The following DCDC1 variants were observed in gnomAD, a reference collection of about 807,000 sequenced individuals.
DCDC1 encodes doublecortin domain-containing protein 1.
DCDC1 carries 200 observed loss-of-function variants against 178.3 expected under a neutral mutation model. The observed-to-expected ratio is 1.12, with a 90% CI of 1.00 to 1.26. The LOEUF is 1.26. DCDC1 is among the 50% of genes most tolerant of loss of function. The probability of loss-of-function intolerance (pLI) is 0.00; values close to 1 mark genes in which losing one functional copy is unlikely to be tolerated. For missense variants in DCDC1, 1,983 were observed against 1,749.2 expected, an observed-to-expected ratio of 1.13 and a Z score of -2.38; for synonymous variants, 690 against 604.8, an observed-to-expected ratio of 1.14 and a Z score of -2.07.
chr11:31,057,933 A>T lies in DCDC1; in HGVS notation c.2591+6536T>A, dbSNP rs1955693130. 2.0e-5 allele frequency among the ~76,000 whole-genome samples: 3 copies of T among 152,056 alleles called. No homozygotes were observed. In the South Asian group the frequency reaches 6.2e-4, roughly 32 times the overall value. On this transcript the variant is annotated intron_variant, in intron 20 of 38. Transcript: ENST00000684477. ...GCTCTTTTACCGTAATGACTTGTTT[A>T]ATTTCTCTCTTCCCTGTTAGATTCT... is the stretch of plus-strand genomic sequence containing the variant.
intron 36 of DCDC1, among the ~76,000 whole-genome samples, chr11:30,888,498 A>C (rs541521176): frequency 6.6e-6 from 1 of 152,280 alleles, no homozygotes; most frequent in East Asian, 1.9e-4. Context: ...CAGGTGGATC[A>C]CCTGAGGTCG....
At chr11:31,154,219 A>T (rs544028212) in intron 9 of DCDC1, among the ~76,000 whole-genome samples, 1 of 152,186 alleles carries the variant, frequency 6.6e-6, no homozygotes, top group African/African-American at 2.4e-5. Context: ...TCTACAGCCT[A>T]TGGAACTGTG....
intron 20 of DCDC1, among the ~76,000 whole-genome samples, chr11:31,022,686 T>TGTGTGTGTGG (rs764221163): frequency 6.8e-6 from 1 of 146,568 alleles, no homozygotes; most frequent in African/African-American, 2.5e-5. Context: ...TGTGTGTGTG[T>TGTGTGTGTGG]GGTATGTGTT....
chr11:31,171,032 T>C (rs973248453), intron 9 of DCDC1, among the ~76,000 whole-genome samples: 1 of 152,114 alleles, frequency 6.6e-6, no homozygotes, highest in Non-Finnish European at 1.5e-5. Context: ...TTCTCCATGT[T>C]GGCCAGGCTG....
chr11:30,905,021 T>C lies in DCDC1; in HGVS notation c.4248A>G (p.Ala1416=), dbSNP rs757297599. ...TACGATACCCATCCCCATTTTTGTA[T>C]GCAATTATTTTCACTGCCTTCTGGT... The part of the protein sequence containing the change: ...ATHQKAVKII[A]YKNGDGYRNG... The change falls in exon 31 of 39, where the codon GCA becomes GCG. Residue 1416 remains alanine (A), a synonymous_variant. Coordinates refer to ENST00000684477, the MANE Select transcript of DCDC1 (RefSeq NM_001387274.1). 14 of 1,613,780 alleles carry C rather than the reference T, an allele frequency of 8.7e-6. No homozygotes were observed. The South Asian group carries it at 9.9e-5, about 11-fold the overall frequency.
At chr11:31,352,177 G>A (rs1319352186) in intron 1 of DCDC1, among the ~76,000 whole-genome samples, 2 of 152,040 alleles carry the variant, frequency 1.3e-5, no homozygotes, top group East Asian at 3.9e-4. Context: ...CAAACGTAAG[G>A]TAACAAAACA....
At chr11:30,881,895 T>A (rs662735) in intron 36 of DCDC1, 134,286 of 153,858 alleles carry the variant, frequency 0.87, 59,037 homozygotes, top group East Asian at 1. Context: ...ACTCACAAAA[T>A]CACATGTAGA....
At chr11:31,108,162 C>G (rs975359735) in intron 12 of DCDC1, among the ~76,000 whole-genome samples, 77 of 152,252 alleles carry the variant, frequency 5.1e-4, no homozygotes, top group Admixed American at 4.3e-3. Flanking sequence ...AGGCTTTGTC[C>G]TACTTAGAGA....
chr11:31,304,164 G>T (rs1416565177), intron 6 of DCDC1, among the ~76,000 whole-genome samples: 1 of 152,128 alleles, frequency 6.6e-6, no homozygotes. Context: ...TCATGTGTGT[G>T]ACATTATTAT....
At chr11:31,246,033 A>G (rs909304100) in intron 8 of DCDC1, among the ~76,000 whole-genome samples, 1 of 151,892 alleles carries the variant, frequency 6.6e-6, no homozygotes, top group Non-Finnish European at 1.5e-5. Context: ...GTCATGATCT[A>G]TACCGAGGGA....
At chr11:31,186,670 T>C (rs995160435) in intron 9 of DCDC1, among the ~76,000 whole-genome samples, 1 of 152,248 alleles carries the variant, frequency 6.6e-6, no homozygotes, top group Non-Finnish European at 1.5e-5. Flanking sequence ...GGGTTGAATC[T>C]GGCTTCACCA....
At chr11:30,925,168 T>G (rs1946515245) in intron 23 of DCDC1, 141 bp downstream of exon 23, 1 of 714,622 alleles carries the variant, frequency 1.4e-6, no homozygotes, top group Non-Finnish European at 2.3e-6. Flanking sequence ...TATTACTTTC[T>G]GATGTTTGCT....
At chr11:30,932,971 G>A (rs1947032827) in intron 21 of DCDC1, among the ~76,000 whole-genome samples, 2 of 145,490 alleles carry the variant, frequency 1.4e-5, no homozygotes, top group South Asian at 4.5e-4. Context: ...TGCTGGGCAA[G>A]GTCCAAGTTT....
intron 20 of DCDC1, among the ~76,000 whole-genome samples, chr11:30,985,466 G>A (rs1208543988): frequency 6.6e-6 from 1 of 151,998 alleles, no homozygotes; most frequent in Non-Finnish European, 1.5e-5. Context: ...CTATTTATAA[G>A]TTTTTAAAAA....
chr11:31,330,712 GTACAGTGT>G (rs1242368989), intron 2 of DCDC1, among the ~76,000 whole-genome samples: 1 of 152,098 alleles, frequency 6.6e-6, no homozygotes, highest in Non-Finnish European at 1.5e-5. Flanking sequence ...GGCTGTAGAT[GTACAGTGT>G]TACTTCTGAG....
intron 9 of DCDC1, chr11:31,155,886 A>G (rs1965674394): frequency 6.6e-6 from 1 of 152,148 alleles, no homozygotes; most frequent in Non-Finnish European, 1.5e-5. Flanking sequence ...CTTCAATATA[A>G]CCCTAAAAAA....
At chr11:31,132,903 C>T in intron 10 of DCDC1, among the ~76,000 whole-genome samples, 1 of 152,138 alleles carries the variant, frequency 6.6e-6, no homozygotes, top group South Asian at 2.1e-4. Context: ...GGTGAGAAAA[C>T]AAACCCAAAC....
At chr11:30,955,624 T>C (rs1405391962) in intron 20 of DCDC1, among the ~76,000 whole-genome samples, 4 of 152,168 alleles carry the variant, frequency 2.6e-5, no homozygotes, top group African/African-American at 9.7e-5. Context: ...CCTTTTTCTC[T>C]AGTTCATGTA....
At chr11:31,198,935 C>T (rs1970993928) in intron 9 of DCDC1, among the ~76,000 whole-genome samples, 1 of 151,476 alleles carries the variant, frequency 6.6e-6, no homozygotes, top group African/African-American at 2.4e-5. Flanking sequence ...GAAAAAAAAT[C>T]AAAACAACTT....
Sources: gnomAD v4.1 joint callset for allele counts (sites outside exome capture counted in the v4.1 genomes callset) on GRCh38, gnomAD v4.1.1 for gene constraint, MANE v1.5 for transcripts, NCBI Gene and HGNC (gene_info 2026-07-23, HGNC 2026-07-21) for gene names.